TMEM243: variants seen among roughly 807,000 people sequenced by gnomAD.
The protein encoded by TMEM243 is MDR1 and mitochondrial taxol resistance associated.
In TMEM243, 20 loss-of-function variants were observed where a neutral mutation model predicts 15.0. The ratio of observed to expected loss-of-function variants is 1.33; its 90% confidence interval spans 0.94 to 1.93. TMEM243 has a LOEUF of 1.93. Ranked by LOEUF, TMEM243 falls within the 30% of genes most tolerant of loss-of-function variation. The pLI, the probability that TMEM243 is intolerant of heterozygous loss-of-function variation, is 0.00. For missense variants in TMEM243, 156 were observed against 142.1 expected (o/e 1.10, Z -0.50); for synonymous variants, 72 against 52.7 (o/e 1.37, Z -1.59).
At chr7:87,219,935 C>T (rs1803395656), upstream of TMEM243, among the ~76,000 whole-genome samples, 1 of 152,230 alleles carries the variant, frequency 6.6e-6, no homozygotes. Context: ...CACGTCGCCC[C>T]CCATTTTTAC....
intron 1 of TMEM243, among the ~76,000 whole-genome samples, chr7:87,209,764 G>GAGAGCGAGACAGAGCGAGAC (rs148818749): frequency 8.5e-6 from 1 of 117,564 alleles, no homozygotes; most frequent in Non-Finnish European, 1.9e-5. Flanking sequence ...GCGAGACAGT[G>GAGAGCGAGACAGAGCGAGAC]AGAGCGAGAC....
In TMEM243 at chr7:87,196,358, C is replaced by T; in HGVS notation, c.*278G>A. ...GATTTGTTTTTACATAGCCTTTTGCCATACAATTATAAAAATTTCATTTCA... is the reference window on the plus strand; with the variant it reads ...GATTTGTTTTTACATAGCCTTTTGCTATACAATTATAAAAATTTCATTTCA... On this transcript the variant is annotated 3_prime_UTR_variant, in exon 4 of 4. Coordinates refer to ENST00000257637, the MANE Select transcript of TMEM243 (RefSeq NM_024315.4). 1 of 281,598 alleles carries T rather than the reference C, an allele frequency of 3.6e-6. No individual in the cohort carries two copies. Among genetic ancestry groups the T allele is most frequent in the Non-Finnish European group, 6.6e-6 (1 of 152,536 alleles). 17.4% of individuals were successfully genotyped at this position (281,598 alleles called of 1,614,324 possible).
Position 87,196,490 on chromosome 7 carries a change from C to G in TMEM243, c.*146G>C. ...AGTGATCTAGGATATGTCTCCCTTG[C>G]AAGAGGGAATTAACATTTACAATTA... On this transcript the variant is annotated 3_prime_UTR_variant, in exon 4 of 4. Coordinates refer to ENST00000257637, the MANE Select transcript of TMEM243 (RefSeq NM_024315.4). 1.2e-6 allele frequency: 1 copy of G among 802,530 alleles called. No individual in the cohort carries two copies. The highest frequency in any genetic ancestry group is 1.9e-6 in the Non-Finnish European group (1 of 518,890). The allele number at this position is 802,530 out of a possible 1,614,324, so 49.7% of individuals were successfully genotyped here.
chr7:87,217,492 T>C (rs771287966), intron 1 of TMEM243, among the ~76,000 whole-genome samples: 9 of 152,322 alleles, frequency 5.9e-5, no homozygotes, highest in Non-Finnish European at 4.4e-5. Flanking sequence ...TGAACACATA[T>C]GGAGGCCTCT....
intron 1 of TMEM243, among the ~76,000 whole-genome samples, chr7:87,213,202 C>T (rs539615892): frequency 7.2e-5 from 11 of 152,368 alleles, no homozygotes; most frequent in Non-Finnish European, 1.3e-4. Context: ...CCAGCATCCC[C>T]TGAGGACCTT....
intron 2 of TMEM243, 25 bp from the exon 3 acceptor site, chr7:87,198,070 G>T: frequency 6.3e-7 from 1 of 1,585,636 alleles, no homozygotes; most frequent in Non-Finnish European, 8.6e-7. Flanking sequence ...ATTATGTAAG[G>T]CCTTAACAGT....
chr7:87,208,841 C>T (rs1385627936), intron 1 of TMEM243, among the ~76,000 whole-genome samples: 1 of 152,238 alleles, frequency 6.6e-6, no homozygotes, highest in Non-Finnish European at 1.5e-5. Context: ...TGAGGGCTCC[C>T]ACTACCCAGG....
At chr7:87,220,326 C>G (rs1272227872), upstream of TMEM243, 2 of 152,398 alleles carry the variant, frequency 1.3e-5, no homozygotes, top group Non-Finnish European at 2.9e-5. Flanking sequence ...AATCCCGCCT[C>G]GGCCCTGCCC....
At chr7:87,204,461 G>A (rs966355085) in intron 1 of TMEM243, among the ~76,000 whole-genome samples, 1 of 152,222 alleles carries the variant, frequency 6.6e-6, no homozygotes. Context: ...CTATGAGTCT[G>A]TAAAATCAAA....
chr7:87,209,683 A>AGTGAGAGAG lies in TMEM243; in HGVS notation c.78+9742_78+9743insCTCTCTCAC, dbSNP rs1409679554. ...GAGCGAGAGAGAGCGAGAGCGAGAC[A>AGTGAGAGAG]CAGCGAGAGAGCGAGACACAGTGAG... On this transcript the variant is annotated intron_variant, in intron 1 of 3. Coordinates refer to ENST00000257637, the MANE Select transcript of TMEM243 (RefSeq NM_024315.4). 2.4e-3 allele frequency among the ~76,000 whole-genome samples: 298 copies of AGTGAGAGAG among 123,780 alleles called. 14 individuals are homozygous for AGTGAGAGAG. Among genetic ancestry groups the AGTGAGAGAG allele is most frequent in the African/African-American group, 8.9e-3 (277 of 31,032 alleles). 81.2% of individuals were successfully genotyped at this position (123,780 alleles called of 152,430 possible).
chr7:87,199,227 G>A, intron 1 of TMEM243, 170 bp from the exon 2 acceptor site: 1 of 505,094 alleles, frequency 2.0e-6, no homozygotes, highest in African/African-American at 2.0e-5. Context: ...CCATAAGAGT[G>A]GAAAATGTAC....
chr7:87,205,410 GTAC>G, intron 1 of TMEM243, among the ~76,000 whole-genome samples: 1 of 144,194 alleles, frequency 6.9e-6, no homozygotes, highest in East Asian at 2.0e-4. Context: ...TTGTTCTATT[GTAC>G]TGTCAGGCTG....
intron 1 of TMEM243, among the ~76,000 whole-genome samples, chr7:87,215,165 T>C (rs1162338935): frequency 1.3e-5 from 2 of 152,322 alleles, no homozygotes; most frequent in African/African-American, 4.8e-5. Flanking sequence ...TAAAAGTATC[T>C]CAGTTTGTTT....
chr7:87,219,354 G>C, intron 1 of TMEM243, 72 bp downstream of exon 1: 1 of 1,480,660 alleles, frequency 6.8e-7, no homozygotes, highest in Non-Finnish European at 9.4e-7. Context: ...GAAAGACGCA[G>C]CCCGGACTCC....
At chr7:87,214,913 A>G (rs1377108388) in intron 1 of TMEM243, among the ~76,000 whole-genome samples, 1 of 152,164 alleles carries the variant, frequency 6.6e-6, no homozygotes, top group African/African-American at 2.4e-5. Context: ...TATATTTTTA[A>G]AATTTTTGTG....
chr7:87,209,940 G>A (rs1317818491), intron 1 of TMEM243, among the ~76,000 whole-genome samples: 1 of 137,318 alleles, frequency 7.3e-6, no homozygotes, highest in Non-Finnish European at 1.6e-5. Context: ...AGAGAAACAG[G>A]AGGGGGACAG....
chr7:87,200,416 CAT>C (rs1399960938), intron 1 of TMEM243, among the ~76,000 whole-genome samples: 4 of 152,126 alleles, frequency 2.6e-5, no homozygotes, highest in African/African-American at 9.7e-5. Flanking sequence ...CATGGGACAA[CAT>C]AAAATGTGTA....
intron 1 of TMEM243, among the ~76,000 whole-genome samples, chr7:87,207,666 G>A (rs186431834): frequency 1.3e-5 from 2 of 152,200 alleles, no homozygotes; most frequent in Non-Finnish European, 2.9e-5. Context: ...ACATTCTTGA[G>A]GGAGAAGGCA....
rs1802270553 is a variant in TMEM243 at position 87,206,988 on chromosome 7, C to T, written c.79-7931G>A. ...CTGCTGCAGGGCAGGCATGCAATGG[C>T]ACCACAGAAGCTGTGGCCTGATCCT... On this transcript the variant is annotated intron_variant, in intron 1 of 3. Transcript: ENST00000257637. Among the ~76,000 whole-genome samples, 3 of 152,354 alleles carry T rather than the reference C, an allele frequency of 2.0e-5. No individual in the cohort carries two copies. In the South Asian group the frequency reaches 6.2e-4, roughly 32 times the overall value.
Sources: gnomAD v4.1 joint callset for allele counts (sites outside exome capture counted in the v4.1 genomes callset) on GRCh38, gnomAD v4.1.1 for gene constraint, MANE v1.5 for transcripts, NCBI Gene and HGNC (gene_info 2026-07-23, HGNC 2026-07-21) for gene names.